Variants in CYTH2 observed in about 807,000 individuals in gnomAD.
The protein encoded by CYTH2 is cytohesin-2.
Under a neutral mutation model 55.4 loss-of-function variants are expected in CYTH2, and 24 were observed. The observed-to-expected ratio is 0.43, with a 90% CI of 0.31 to 0.61. The LOEUF (loss-of-function observed/expected upper bound fraction) is 0.61. Among genes scored for constraint, CYTH2 ranks in the 20% least tolerant of loss-of-function variants. The pLI, the probability that CYTH2 is intolerant of heterozygous loss-of-function variation, is 0.08. For synonymous variants in CYTH2, 221 were observed against 209.6 expected, an observed-to-expected ratio of 1.05 and a Z score of -0.47; for missense variants, 378 against 533.5, an observed-to-expected ratio of 0.71 and a Z score of 2.87.
intron 8 of CYTH2, chr19:48,476,020 T>C (rs1971905247): frequency 1.9e-6 from 1 of 519,620 alleles, no homozygotes; most frequent in Non-Finnish European, 3.9e-6. Flanking sequence ...TCAGGCTTCT[T>C]GGAAGGAGGT....
chr19:48,470,104 C>T (rs1971759613), intron 1 of CYTH2: 3 of 695,438 alleles, frequency 4.3e-6, no homozygotes, highest in Non-Finnish European at 8.0e-6. Flanking sequence ...AGAGCTCAGG[C>T]ACCCATTCCC....
chr19:48,473,933 G>A lies in CYTH2; in HGVS notation c.463G>A (p.Gly155Arg), dbSNP rs372308279. 2 of 1,613,226 alleles carry A rather than the reference G, an allele frequency of 1.2e-6. No individual in the cohort carries two copies. The highest frequency in any genetic ancestry group is 1.7e-5 in the Admixed American group (1 of 59,906). ...GTTTCTATGGAGCTTTCGCCTACCC[G>A]GAGAGGCCCAGAAAATTGACCGGAT... ...RQFLWSFRLP[G>R]EAQKIDRMME... The change falls in exon 6 of 12, where the codon GGA (glycine) becomes AGA (arginine). Residue 155 changes from glycine (G) to arginine (R), a missense_variant. Coordinates refer to ENST00000452733, the MANE Select transcript of CYTH2 (RefSeq NM_004228.7).
chr19:48,477,787 C>T (rs73942290), intron 8 of CYTH2: 37 of 465,972 alleles, frequency 7.9e-5, no homozygotes, highest in African/African-American at 5.8e-4. Flanking sequence ...GGCGCCCTGG[C>T]GCCCTGGCCT....
Position 48,478,526 on chromosome 19 carries a change from A to G in CYTH2, c.1046A>G (p.Asn349Ser), listed in dbSNP as rs1386395738. 1 of 1,613,878 alleles carries G rather than the reference A, an allele frequency of 6.2e-7. No individual in the cohort carries two copies. The highest frequency in any genetic ancestry group is 1.7e-5 in the Admixed American group (1 of 59,972). The change falls in exon 11 of 12, where the codon AAC becomes AGC. Residue 349 changes from asparagine (N) to serine (S), a missense_variant. Asn to Ser is a conservative substitution (Grantham distance 46). Transcript: ENST00000452733. ...TEADGRVVEG[N>S]HMVYRISAPT... The stretch of plus-strand genomic sequence containing the variant: ...GCGGACGGCCGAGTGGTGGAGGGAA[A>G]CCACATGGTGTACCGGATCTCGGCC...
At chr19:48,472,771 A>G in intron 4 of CYTH2, 1 of 397,518 alleles carries the variant, frequency 2.5e-6, no homozygotes, top group South Asian at 2.1e-5. Context: ...ATGGCTGTGC[A>G]TAGGCACTGG....
rs368745350 is a variant in CYTH2 at position 48,472,286 on chromosome 19, T to C, written c.235-39T>C. On this transcript the variant is annotated intron_variant, in intron 3 of 11. Coordinates refer to ENST00000452733, the MANE Select transcript of CYTH2 (RefSeq NM_004228.7). Reference sequence around the variant, plus strand: ...CCCAGGGAGGTGAGTGGGGTGGCTTTCTGGCCCTCAGCACTGAGACCTTGT... The same window carrying C: ...CCCAGGGAGGTGAGTGGGGTGGCTTCCTGGCCCTCAGCACTGAGACCTTGT... The C allele has an allele frequency of 6.3e-6, 10 of 1,599,980 alleles. No individual in the cohort carries two copies. The African/African-American group carries it at 1.3e-4, about 21-fold the overall frequency.
At chr19:48,476,476 G>A (rs967312747) in intron 8 of CYTH2, 1 of 152,860 alleles carries the variant, frequency 6.5e-6, no homozygotes, top group African/African-American at 2.4e-5. Context: ...ATCCAAGGGA[G>A]GCAGACTGCT....
intron 8 of CYTH2, 40 bp from the exon 9 acceptor site, chr19:48,478,029 C>G: frequency 1.3e-6 from 2 of 1,562,708 alleles, no homozygotes; most frequent in Non-Finnish European, 1.8e-6. Flanking sequence ...GCCCTGTCCC[C>G]CTGTTGAGCC....
At chr19:48,476,191 A>T (rs1361196906) in intron 8 of CYTH2, 4 of 292,306 alleles carry the variant, frequency 1.4e-5, no homozygotes, top group Non-Finnish European at 2.8e-5. Context: ...TAATTTCAGC[A>T]CTTTGGGAGG....
intron 1 of CYTH2, 153 bp downstream of exon 1, chr19:48,469,679 C>T: frequency 1.6e-6 from 2 of 1,220,606 alleles, no homozygotes; most frequent in Non-Finnish European, 2.2e-6. Flanking sequence ...GCTGGACGGG[C>T]TTCCGGCGGG....
In CYTH2 at chr19:48,478,773, A is replaced by AG. The variant is rs763572979; in HGVS notation, c.1112+185dup. Reference sequence around the variant, plus strand: ...CTCCTGGGTCTGACGGAGGAGGGGCAGGGGCCTGGACACCTGGGTCTGACG... The same window carrying AG: ...CTCCTGGGTCTGACGGAGGAGGGGCAGGGGGCCTGGACACCTGGGTCTGACG... On this transcript the variant is annotated intron_variant, in intron 11 of 11. Coordinates refer to ENST00000452733, the MANE Select transcript of CYTH2 (RefSeq NM_004228.7). Among the ~76,000 whole-genome samples, 79 of 81,960 alleles carry AG rather than the reference A, an allele frequency of 9.6e-4. 1 individual carries two copies. The highest frequency in any genetic ancestry group is 3.0e-3 in the African/African-American group (42 of 13,954). The allele number at this position is 81,960 out of a possible 152,430, so 53.8% of individuals were successfully genotyped here.
chr19:48,478,516 G>T lies in CYTH2; in HGVS notation c.1036G>T (p.Val346Leu), dbSNP rs1451624267. 1.2e-6 allele frequency: 2 copies of T among 1,614,124 alleles called. No homozygotes were observed. Among genetic ancestry groups the T allele is most frequent in the Non-Finnish European group, 1.7e-6 (2 of 1,180,014 alleles). Residue 346 changes from valine to leucine, a missense_variant, in exon 11 of 12, where the codon GTG (valine) becomes TTG (leucine). Coordinates refer to ENST00000452733, the MANE Select transcript of CYTH2 (RefSeq NM_004228.7). ...CAAAACTGAGGCGGACGGCCGAGTG[G>T]TGGAGGGAAACCACATGGTGTACCG... Reference protein sequence around the residue: ...ACKTEADGRVVEGNHMVYRIS... With the variant: ...ACKTEADGRVLEGNHMVYRIS...
At chr19:48,473,163 C>T in intron 4 of CYTH2, 135 bp from the exon 5 acceptor site, 1 of 890,520 alleles carries the variant, frequency 1.1e-6, no homozygotes, top group Non-Finnish European at 1.8e-6. Flanking sequence ...TGTGGGAGTC[C>T]AGCAGGAAAC....
At chr19:48,476,295 C>G (rs1343733178) in intron 8 of CYTH2, 1 of 202,388 alleles carries the variant, frequency 4.9e-6, no homozygotes, top group Non-Finnish European at 1.0e-5. Context: ...AAAAAATTAG[C>G]CAGGCATGGT....
intron 1 of CYTH2, 45 bp from the exon 2 acceptor site, chr19:48,470,308 C>T (rs780647852): frequency 1.3e-6 from 2 of 1,554,060 alleles, no homozygotes; most frequent in Non-Finnish European, 1.7e-6. Flanking sequence ...AATTCAGGCT[C>T]ACGGCCCCTA....
Position 48,479,177 on chromosome 19 carries a change from G to T in CYTH2, c.1167G>T (p.Arg389=), listed in dbSNP as rs765308637. 4.3e-6 allele frequency: 7 copies of T among 1,614,088 alleles called. No homozygotes were observed. The highest frequency in any genetic ancestry group is 2.2e-5 in the East Asian group (1 of 44,858). ...FYEMLAARKK[R]ISVKKKQEQP Reference sequence around the variant, plus strand: ...AGATGCTGGCAGCGAGAAAGAAGCGGATTTCAGTCAAGAAGAAGCAGGAGC... The same window carrying T: ...AGATGCTGGCAGCGAGAAAGAAGCGTATTTCAGTCAAGAAGAAGCAGGAGC... Residue 389 remains arginine, a synonymous_variant, in exon 12 of 12, where the codon CGG becomes CGT. Transcript: ENST00000452733.
Position 48,474,758 on chromosome 19 carries a change from T to C in CYTH2, c.697-80T>C, listed in dbSNP as rs1971875348. ...TCCCCACTATGAGTCATCCCATCCC[T>C]GGTCTCGCTGCCCCCCACCCTGAGT... is the stretch of plus-strand genomic sequence containing the variant. On this transcript the variant is annotated intron_variant, in intron 7 of 11. Transcript: ENST00000452733. The surrounding 1 kb of genome is among the most constrained non-coding windows in gnomAD (Gnocchi z 4.9). The C allele has an allele frequency of 1.6e-6, 2 of 1,217,560 alleles. No homozygotes were observed. Among genetic ancestry groups the C allele is most frequent in the Non-Finnish European group, 2.4e-6 (2 of 826,516 alleles). 75.4% of individuals were successfully genotyped at this position (1,217,560 alleles called of 1,614,324 possible).
At chr19:48,472,542 A>C in intron 4 of CYTH2, 99 bp downstream of exon 4, 1 of 968,854 alleles carries the variant, frequency 1.0e-6, no homozygotes, top group Non-Finnish European at 1.6e-6. Flanking sequence ...ACAGCCCTGC[A>C]GCCTCCCCGC....
rs1424405351 is a variant in CYTH2 at position 48,470,343 on chromosome 19, C to T, written c.20-10C>T. 2 of 1,601,746 alleles carry T rather than the reference C, an allele frequency of 1.2e-6. No individual in the cohort carries two copies. The highest frequency in any genetic ancestry group is 2.2e-5 in the South Asian group (2 of 89,928). ...AGCACTGACTTTTAAACCTTGACCC[C>T]GATCCCTAGAACCCCCAGACCTGAC... is the stretch of plus-strand genomic sequence containing the variant. On this transcript the variant is annotated splice_polypyrimidine_tract_variant and intron_variant, in intron 1 of 11. Transcript: ENST00000452733.
Sources: allele counts gnomAD v4.1 joint callset (sites outside exome capture counted in the v4.1 genomes callset), GRCh38; gene constraint gnomAD v4.1.1; non-coding constraint Gnocchi (gnomAD v3.1); transcripts MANE v1.5; gene names NCBI Gene and HGNC (gene_info 2026-07-23, HGNC 2026-07-21).